NDST4: variants seen among roughly 807,000 people sequenced by gnomAD.
NDST4 encodes the protein N-heparan sulfate sulfotransferase 4.
In NDST4, 63 loss-of-function variants were observed where a neutral mutation model predicts 100.8. The observed-to-expected ratio is 0.62, with a 90% CI of 0.51 to 0.77. The LOEUF (loss-of-function observed/expected upper bound fraction) is 0.77, where lower values mean the gene tolerates loss of function less well. Ranked by LOEUF, NDST4 falls within the 30% of genes least tolerant of loss-of-function variation. The probability of loss-of-function intolerance (pLI) is 0.00; values close to 1 mark genes in which losing one functional copy is unlikely to be tolerated. For missense variants in NDST4, 943 were observed against 1,018.4 expected (o/e 0.93, Z 1.01); for synonymous variants, 377 against 361.8 (o/e 1.04, Z -0.48).
At chr4:114,931,084 A>C (rs1472427974) in intron 6 of NDST4, among the ~76,000 whole-genome samples, 1 of 152,086 alleles carries the variant, frequency 6.6e-6, no homozygotes, top group Non-Finnish European at 1.5e-5. Flanking sequence ...AGCCAGAAGC[A>C]AACTTAACTT....
At chr4:114,986,793 C>CATACATACATATATATATATAT (rs1553959380) in intron 2 of NDST4, among the ~76,000 whole-genome samples, 1 of 91,148 alleles carries the variant, frequency 1.1e-5, no homozygotes, top group African/African-American at 4.5e-5. Flanking sequence ...TCCAATTATA[C>CATACATACATATATATATATAT]ATATATATAT....
At chr4:114,983,405 G>A (rs924355301) in intron 2 of NDST4, among the ~76,000 whole-genome samples, 2 of 152,216 alleles carry the variant, frequency 1.3e-5, no homozygotes, top group African/African-American at 4.8e-5. Flanking sequence ...TGTCCTGGAT[G>A]TGAGACCTGA....
At chr4:115,073,508 T>A (rs907582776) in intron 2 of NDST4, among the ~76,000 whole-genome samples, 1 of 151,950 alleles carries the variant, frequency 6.6e-6, no homozygotes, top group African/African-American at 2.4e-5. Flanking sequence ...AATTCTGTAA[T>A]TTGTGACAAC....
chr4:115,025,004 C>T (rs747938518), intron 2 of NDST4, among the ~76,000 whole-genome samples: 6 of 152,112 alleles, frequency 3.9e-5, no homozygotes, highest in Non-Finnish European at 8.8e-5. Context: ...TGCCTTCTGC[C>T]GTGGGTGACA....
Position 114,898,504 on chromosome 4 carries a change from C to T in NDST4, c.1537-27554G>A, listed in dbSNP as rs188237856. Among the ~76,000 whole-genome samples the T allele has an allele frequency of 1.1e-3, 161 of 152,194 alleles. 1 individual carries two copies. The highest frequency in any genetic ancestry group is 1.5e-3 in the Non-Finnish European group (100 of 68,014). ...GGTAGTGTCCGTGCTTCAACTTATTCCTCCTCCTTCAATATTTTGTGGGTC... is the reference window on the plus strand; with the variant it reads ...GGTAGTGTCCGTGCTTCAACTTATTTCTCCTCCTTCAATATTTTGTGGGTC... On this transcript the variant is annotated intron_variant, in intron 6 of 13. Transcript: ENST00000264363.
intron 2 of NDST4, among the ~76,000 whole-genome samples, chr4:115,057,809 A>T (rs1185830101): frequency 6.6e-6 from 1 of 152,052 alleles, no homozygotes; most frequent in African/African-American, 2.4e-5. Flanking sequence ...TCCATAATGG[A>T]TGAAATTAAT....
intron 2 of NDST4, among the ~76,000 whole-genome samples, chr4:115,067,537 C>G (rs894907801): frequency 1.3e-5 from 2 of 151,106 alleles, no homozygotes; most frequent in Admixed American, 6.6e-5. Flanking sequence ...CTTTCTCATT[C>G]AACCCTTATT....
At chr4:115,012,945 C>T (rs1229399295) in intron 2 of NDST4, among the ~76,000 whole-genome samples, 1 of 151,584 alleles carries the variant, frequency 6.6e-6, no homozygotes, top group Non-Finnish European at 1.5e-5. Flanking sequence ...GTGAAGTAAG[C>T]TAGACACAGA....
In NDST4 at chr4:114,935,205, C is replaced by G; in HGVS notation, c.1536+1G>C. The G allele has an allele frequency of 6.3e-7, 1 of 1,596,578 alleles. No homozygotes were observed. The highest frequency in any genetic ancestry group is 1.1e-5 in the South Asian group (1 of 87,968). On this transcript the variant is annotated splice_donor_variant, in intron 6 of 13. Transcript: ENST00000264363. LOFTEE classifies it high-confidence loss of function. ...GTAAGGTGCATACATAGAATACATA[C>G]TGGGTTTAGAAGGATTGTGAGAAAA...
intron 3 of NDST4, among the ~76,000 whole-genome samples, chr4:114,974,691 T>C (rs561759566): frequency 8.5e-5 from 13 of 152,276 alleles, no homozygotes; most frequent in African/African-American, 2.9e-4. Context: ...CACTACGTCC[T>C]TCCTCTTTCA....
At chr4:114,958,215 T>G (rs933277020) in intron 4 of NDST4, among the ~76,000 whole-genome samples, 6 of 152,196 alleles carry the variant, frequency 3.9e-5, no homozygotes, top group Non-Finnish European at 8.8e-5. Context: ...CCATACATGC[T>G]CTGAAATCTT....
At chr4:114,927,216 TTG>T (rs10555403) in intron 6 of NDST4, among the ~76,000 whole-genome samples, 5,587 of 147,592 alleles carry the variant, frequency 0.038, 259 homozygotes, top group African/African-American at 0.11. Flanking sequence ...TTAACTTGAT[TTG>T]TGTGTGTGTG....
chr4:114,830,454 A>G (rs952237664), intron 12 of NDST4, among the ~76,000 whole-genome samples: 2 of 152,232 alleles, frequency 1.3e-5, no homozygotes, highest in Admixed American at 6.5e-5. Context: ...AATAAAGTGG[A>G]AGATTAGACA....
intron 1 of NDST4, among the ~76,000 whole-genome samples, chr4:115,078,793 T>A (rs556291758): frequency 2.6e-5 from 4 of 151,990 alleles, no homozygotes; most frequent in African/African-American, 4.8e-5. Flanking sequence ...TGAGCTGAGA[T>A]TGTGCCACTG....
At chr4:114,939,698 A>G (rs1174907964) in intron 4 of NDST4, among the ~76,000 whole-genome samples, 1 of 150,740 alleles carries the variant, frequency 6.6e-6, no homozygotes, top group African/African-American at 2.4e-5. Flanking sequence ...AAAAAAAGGT[A>G]AAAAGCAATT....
chr4:114,969,841 G>A (rs1308876266), intron 4 of NDST4, among the ~76,000 whole-genome samples: 1 of 152,166 alleles, frequency 6.6e-6, no homozygotes. Flanking sequence ...TAATAGGATT[G>A]CTCAATCAAA....
At chr4:114,981,510 T>G (rs1248185348) in intron 2 of NDST4, among the ~76,000 whole-genome samples, 1 of 152,124 alleles carries the variant, frequency 6.6e-6, no homozygotes, top group African/African-American at 2.4e-5. Flanking sequence ...TATTTTCAAG[T>G]TGCCCACATG....
intron 7 of NDST4, among the ~76,000 whole-genome samples, chr4:114,863,882 C>T (rs1018221092): frequency 2.6e-5 from 4 of 152,160 alleles, no homozygotes; most frequent in African/African-American, 9.6e-5. Flanking sequence ...AATTATGTTC[C>T]TTGCAAGGGC....
At chr4:114,885,799 C>A (rs1724465235) in intron 6 of NDST4, among the ~76,000 whole-genome samples, 1 of 151,936 alleles carries the variant, frequency 6.6e-6, no homozygotes, top group Non-Finnish European at 1.5e-5. Context: ...GTGAGCATAT[C>A]TGGATCTGGA....
Sources: gnomAD v4.1 joint callset for allele counts (sites outside exome capture counted in the v4.1 genomes callset) on GRCh38, gnomAD v4.1.1 for gene constraint, MANE v1.5 for transcripts, NCBI Gene and HGNC (gene_info 2026-07-23, HGNC 2026-07-21) for gene names.